Variants in KCNV1 observed in about 807,000 individuals in gnomAD.
KCNV1 encodes the protein potassium voltage-gated channel subfamily V member 1.
KCNV1 carries 2 observed loss-of-function variants against 36.4 expected under a neutral mutation model. The ratio of observed to expected loss-of-function variants is 0.05; its 90% CI spans 0.02 to 0.17. KCNV1 has a LOEUF of 0.17. KCNV1 is among the 10% of genes least tolerant of loss of function. The pLI is 1.00. For synonymous variants in KCNV1, 280 were observed against 261.1 expected (o/e 1.07, Z -0.70); for missense variants, 321 against 643.6 (o/e 0.50, Z 5.42).
At chr8:109,971,976 T>A (rs1820016789) in intron 3 of KCNV1, among the ~76,000 whole-genome samples, 1 of 152,232 alleles carries the variant, frequency 6.6e-6, no homozygotes, top group Admixed American at 6.5e-5. Context: ...TTTGTATATC[T>A]TCTGGGTAAT....
Position 109,974,569 on chromosome 8 carries a change from T to A in KCNV1, c.-181A>T. On this transcript the variant is annotated 5_prime_UTR_variant, in exon 2 of 4. Transcript: ENST00000524391. This position sits in a 1 kb window ranked among gnomAD's most constrained non-coding sequence, Gnocchi z 6.2. ...CTGTGCGCCTTCCTCCTCCTGCCGC[T>A]AGGGAGCCGGGAGTGCGCGGAAGCA... 1 of 592,894 alleles carries A rather than the reference T, an allele frequency of 1.7e-6. No individual in the cohort carries two copies. The allele number at this position is 592,894 out of a possible 1,614,324, so 36.7% of individuals were successfully genotyped here.
Position 109,972,712 on chromosome 8 carries a change from C to T in KCNV1, c.537G>A (p.Glu179=). The T allele has an allele frequency of 6.2e-7, 1 of 1,614,188 alleles. No homozygotes were observed. The highest frequency in any genetic ancestry group is 8.5e-7 in the Non-Finnish European group (1 of 1,180,004). ...GTCCTTGGGAGAAGTCCTGTTCACT[C>T]TCATGTTGACTTTCCTGGTCTTCTG... ...KDTEDQESQH[E]SEQDFSQGPC... The change falls in exon 3 of 4, where the codon GAG becomes GAA. Residue 179 remains glutamate (E), a synonymous_variant. Transcript: ENST00000524391. This position sits in a 1 kb window ranked among gnomAD's most constrained non-coding sequence, Gnocchi z 5.2.
chr8:109,973,557 AG>A (rs1373933412), intron 2 of KCNV1, among the ~76,000 whole-genome samples: 1 of 152,192 alleles, frequency 6.6e-6, no homozygotes, highest in Non-Finnish European at 1.5e-5. Context: ...TCAGTGTTCT[AG>A]GTTTGATAAA....
chr8:109,971,149 T>C (rs1269050976), intron 3 of KCNV1, among the ~76,000 whole-genome samples: 1 of 152,214 alleles, frequency 6.6e-6, no homozygotes, highest in Admixed American at 6.5e-5. Context: ...CTAGCCAATT[T>C]GTTTGTGCTA....
rs758155662 is a variant in KCNV1 at position 109,973,923 on chromosome 8, G to T, written c.461+5C>A. 5 of 1,585,510 alleles carry T rather than the reference G, an allele frequency of 3.2e-6. No individual in the cohort carries two copies. In the South Asian group the frequency reaches 3.4e-5, roughly 11 times the overall value. On this transcript the variant is annotated splice_donor_5th_base_variant and intron_variant, in intron 2 of 3. Coordinates refer to ENST00000524391, the MANE Select transcript of KCNV1 (RefSeq NM_014379.4). ...CCGCCCAGCCGCCGCGTGCCTCCGG[G>T]GTACCTGTCCCTGCAGCAGGAATCG... is the stretch of plus-strand genomic sequence containing the variant.
At chr8:109,971,530 G>T (rs558200257) in intron 3 of KCNV1, among the ~76,000 whole-genome samples, 2 of 152,036 alleles carry the variant, frequency 1.3e-5, no homozygotes, top group Non-Finnish European at 2.9e-5. Context: ...GTGTTTGTGT[G>T]TGTGTTATAT....
Position 109,964,053 on chromosome 8 carries a change from G to T in KCNV1, c.*4035C>A, listed in dbSNP as rs978537224. The T allele has an allele frequency of 2.0e-5, 3 of 152,032 alleles. No individual in the cohort carries two copies. Among genetic ancestry groups the T allele is most frequent in the Non-Finnish European group, 4.4e-5 (3 of 68,020 alleles). 9.4% of individuals were successfully genotyped at this position (152,032 alleles called of 1,614,324 possible). On this transcript the variant is annotated 3_prime_UTR_variant, in exon 4 of 4. Transcript: ENST00000524391. ...CAGAGCAAAGGAACCTATCAACAGA[G>T]TGAACAGACAACCTACAGATTGGGG...
Position 109,973,190 on chromosome 8 carries a change from A to AG in KCNV1, c.462-404dup, listed in dbSNP as rs1264204134. ...GAGACAGGGTTTCACCATGTTGTCC[A>AG]GGGGGGGTCTCGAACTCTTGGCCTC... On this transcript the variant is annotated intron_variant, in intron 2 of 3. Transcript: ENST00000524391. Among the ~76,000 whole-genome samples the AG allele has an allele frequency of 5.3e-5, 8 of 152,028 alleles. No homozygotes were observed. The South Asian group carries it at 1.5e-3, about 28-fold the overall frequency.
Position 109,974,310 on chromosome 8 carries a change from A to G in KCNV1, c.79T>C (p.Cys27Arg), listed in dbSNP as rs1820051568. The G allele has an allele frequency of 1.3e-6, 2 of 1,543,880 alleles. No homozygotes were observed. Among genetic ancestry groups the G allele is most frequent in the Admixed American group, 1.9e-5 (1 of 51,706 alleles). Reference sequence around the variant, plus strand: ...AAGGGCTCCCCTTCACCCTCGCTGCAGAAGACACTAGAGTCCAGGGAGGTC... The same window carrying G: ...AAGGGCTCCCCTTCACCCTCGCTGCGGAAGACACTAGAGTCCAGGGAGGTC... ...SLTSLDSSVF[C>R]SEGEGEPLAL... The change falls in exon 2 of 4, where the codon TGC becomes CGC. Residue 27 changes from cysteine to arginine, a missense_variant. Cys to Arg is a radical substitution (Grantham distance 180). Around this residue, in one of 5 missense-constraint regions of KCNV1, gnomAD observed 39 missense variants for 50.8 expected, o/e 0.77. Transcript: ENST00000524391. This position sits in a 1 kb window ranked among gnomAD's most constrained non-coding sequence, Gnocchi z 6.2.
chr8:109,973,637 T>C (rs749217120), intron 2 of KCNV1, among the ~76,000 whole-genome samples: 3 of 152,228 alleles, frequency 2.0e-5, no homozygotes, highest in Non-Finnish European at 4.4e-5. Context: ...TTCTGATTCA[T>C]TTATTCAGTC....
chr8:109,970,657 G>A (rs1819998969), intron 3 of KCNV1, among the ~76,000 whole-genome samples: 1 of 152,072 alleles, frequency 6.6e-6, no homozygotes, highest in Admixed American at 6.5e-5. Flanking sequence ...TAGTGTTGAG[G>A]CAAAATTGTC....
chr8:109,968,272 A>C lies in KCNV1; in HGVS notation c.1319T>G (p.Leu440Arg). 2 of 1,614,106 alleles carry C rather than the reference A, an allele frequency of 1.2e-6. No homozygotes were observed. The highest frequency in any genetic ancestry group is 1.7e-6 in the Non-Finnish European group (2 of 1,180,028). Residue 440 changes from leucine (L) to arginine (R), a missense_variant, in exon 4 of 4, where the codon CTC becomes CGC. By Grantham distance (102) the Leu-to-Arg change is moderately radical (BLOSUM62 -2). This residue lies in a region of KCNV1 where 45 missense variants were observed against 76.8 expected (regional missense o/e 0.59). Coordinates refer to ENST00000524391, the MANE Select transcript of KCNV1 (RefSeq NM_014379.4). This position sits in a 1 kb window ranked among gnomAD's most constrained non-coding sequence, Gnocchi z 5.3. The stretch of plus-strand genomic sequence containing the variant: ...ACGCTGTCTAACAGCTGCTTCCTTG[A>C]GTTTCAAGGTGAAGTAGCAAGCAGA... ...RFSACYFTLK[L>R]KEAAVRQREA...
rs1190356799 is a variant in KCNV1, at chr8:109,968,124, A to G, written c.1467T>C (p.Ser489=). 1.9e-6 allele frequency: 3 copies of G among 1,613,984 alleles called. No individual in the cohort carries two copies. The highest frequency in any genetic ancestry group is 2.5e-6 in the Non-Finnish European group (3 of 1,179,970). Reference sequence around the variant, plus strand: ...AATCATCTCCCCCGCTGCTCCTAGTACTTGCTCTTTCTCTGCCTTTCAGTC... The same window carrying G: ...AATCATCTCCCCCGCTGCTCCTAGTGCTTGCTCTTTCTCTGCCTTTCAGTC... The part of the protein sequence containing the change: ...MLRLKGRERA[S]TRSSGGDDFW... Residue 489 remains serine (S), a synonymous_variant, in exon 4 of 4, where the codon AGT becomes AGC. Transcript: ENST00000524391. The surrounding 1 kb of genome is among the most constrained non-coding windows in gnomAD (Gnocchi z 5.3).
chr8:109,973,625 G>T (rs971307071), intron 2 of KCNV1, among the ~76,000 whole-genome samples: 3 of 152,172 alleles, frequency 2.0e-5, no homozygotes, highest in Admixed American at 2.0e-4. Flanking sequence ...GGAGCATGGC[G>T]TTTCTGATTC....
chr8:109,971,447 G>A (rs1820009408), intron 3 of KCNV1, among the ~76,000 whole-genome samples: 1 of 151,926 alleles, frequency 6.6e-6, no homozygotes, highest in Admixed American at 6.6e-5. Flanking sequence ...ACTACTGTTG[G>A]GGATGCAAGA....
rs1445021082 is a variant in KCNV1, at chr8:109,972,403, G to A, written c.846C>T (p.Ala282=). Residue 282 remains alanine, a synonymous_variant, in exon 3 of 4, where the codon GCC becomes GCT. Coordinates refer to ENST00000524391, the MANE Select transcript of KCNV1 (RefSeq NM_014379.4). This position sits in a 1 kb window ranked among gnomAD's most constrained non-coding sequence, Gnocchi z 5.2. ...RKVPNIIDLL[A]ILPFYITLLV... is the part of the protein sequence containing the mutation. ...GAAGAGTGATGTAGAAGGGCAAGAT[G>A]GCAAGGAGGTCTATGATGTTTGGCA... The A allele has an allele frequency of 1.2e-6, 2 of 1,614,154 alleles. No individual in the cohort carries two copies. The highest frequency in any genetic ancestry group is 1.7e-6 in the Non-Finnish European group (2 of 1,180,030).
intron 2 of KCNV1, 136 bp downstream of exon 2, chr8:109,973,783 CACCTGTCAG>C: frequency 7.0e-6 from 3 of 430,818 alleles, no homozygotes; most frequent in Non-Finnish European, 8.1e-6. Context: ...ACCCCCACCC[CACCTGTCAG>C]CCCAGAAGTG....
rs1820066147 is a variant in KCNV1, at chr8:109,975,121, T to A, written c.-733A>T. On this transcript the variant is annotated 5_prime_UTR_variant, in exon 2 of 4. Transcript: ENST00000524391. ...AGGGGGCCGCACCATTTTCTCCCAA[T>A]TCACTCTCATTCTAGTCTGATGATC... 1 of 152,146 alleles carries A rather than the reference T, an allele frequency of 6.6e-6. No homozygotes were observed. Among genetic ancestry groups the A allele is most frequent in the African/African-American group, 2.4e-5 (1 of 41,382 alleles). 9.4% of individuals were successfully genotyped at this position (152,146 alleles called of 1,614,324 possible). A position where few individuals can be genotyped will look rare whatever the true frequency, so the allele number is the denominator to read the frequency against.
Position 109,968,503 on chromosome 8 carries a change from A to G in KCNV1, c.1088T>C (p.Val363Ala), listed in dbSNP as rs751746146. 6 of 1,613,456 alleles carry G rather than the reference A, an allele frequency of 3.7e-6. No individual in the cohort carries two copies. In the Admixed American group the frequency reaches 6.7e-5, roughly 18 times the overall value. Residue 363 changes from valine to alanine, a missense_variant, in exon 4 of 4, where the codon GTA becomes GCA. Val to Ala is a moderately conservative substitution (Grantham distance 64). Coordinates refer to ENST00000524391, the MANE Select transcript of KCNV1 (RefSeq NM_014379.4). This position sits in a 1 kb window ranked among gnomAD's most constrained non-coding sequence, Gnocchi z 5.3. ...AATGCTTTGCTCAGCAAAGTATTCT[A>G]CAGTTGAAAATATAGAGATTCCCAC... The part of the protein sequence containing the change: ...LSVGISIFST[V>A]EYFAEQSIPD...
Sources: allele counts gnomAD v4.1 joint callset (sites outside exome capture counted in the v4.1 genomes callset), GRCh38; gene constraint gnomAD v4.1.1; regional missense constraint gnomAD v4.1.1; non-coding constraint Gnocchi (gnomAD v3.1); transcripts MANE v1.5; gene names NCBI Gene and HGNC (gene_info 2026-07-23, HGNC 2026-07-21).